The following CFAP45 variants were observed in gnomAD, a reference collection of about 807,000 sequenced individuals.
CFAP45 encodes cilia- and flagella-associated protein 45.
Under a neutral mutation model 75.6 loss-of-function variants are expected in CFAP45, and 43 were observed. The ratio of observed to expected loss-of-function variants is 0.57; its 90% CI spans 0.45 to 0.73. The LOEUF is 0.73. CFAP45 is among the 30% of genes least tolerant of loss of function. CFAP45 has a pLI of 0.00. For synonymous variants in CFAP45, 223 were observed against 244.6 expected (o/e 0.91, Z 0.82); for missense variants, 689 against 701.5 (o/e 0.98, Z 0.20).
In CFAP45 at chr1:159,876,581, G is replaced by C. The variant is rs1026999934; in HGVS notation, c.1327C>G (p.Arg443Gly). 4 of 1,613,796 alleles carry C rather than the reference G, an allele frequency of 2.5e-6. No individual in the cohort carries two copies. The highest frequency in any genetic ancestry group is 1.3e-5 in the African/African-American group (1 of 74,890). Residue 443 changes from arginine (R) to glycine (G), a missense_variant, in exon 10 of 12, where the codon CGG (arginine) becomes GGG (glycine). Arg to Gly is a moderately radical substitution (Grantham distance 125). Coordinates refer to ENST00000368099, the MANE Select transcript of CFAP45 (RefSeq NM_012337.3). Reference sequence around the variant, plus strand: ...CGAAGAATCCTCTCGAACTCATCCCGGTCCCGTTGCACCTGAACAGCCAGA... The same window carrying C: ...CGAAGAATCCTCTCGAACTCATCCCCGTCCCGTTGCACCTGAACAGCCAGA... ...HALAVQVQRD[R>G]DEFERILRAQ...
intron 3 of CFAP45, among the ~76,000 whole-genome samples, chr1:159,889,673 G>C (rs1310177769): frequency 6.6e-6 from 1 of 152,216 alleles, no homozygotes; most frequent in Non-Finnish European, 1.5e-5. Context: ...AGTGGCTGCA[G>C]GGCTCTAGCC....
chr1:159,890,781 CAG>C, intron 2 of CFAP45, among the ~76,000 whole-genome samples, 159 bp from the exon 3 acceptor site: 1 of 106,524 alleles, frequency 9.4e-6, no homozygotes, highest in East Asian at 3.2e-4. Flanking sequence ...TTTTTTGAGA[CAG>C]AGTCTTGCTC....
chr1:159,889,772 G>C (rs1649784089), intron 3 of CFAP45, among the ~76,000 whole-genome samples: 1 of 152,216 alleles, frequency 6.6e-6, no homozygotes, highest in Non-Finnish European at 1.5e-5. Flanking sequence ...TGCTAGATGT[G>C]CCTCTCCAGC....
intron 5 of CFAP45, 121 bp downstream of exon 5, chr1:159,887,720 T>A (rs955620146): frequency 4.0e-6 from 4 of 1,004,474 alleles, no homozygotes; most frequent in Middle Eastern, 3.3e-4. Context: ...GGTGCAGCTC[T>A]CCCCCGCCCC....
rs371929304 is a variant in CFAP45 at position 159,889,349 on chromosome 1, A to G, written c.273-853T>C. 4.0e-4 allele frequency among the ~76,000 whole-genome samples: 61 copies of G among 152,316 alleles called. 1 individual carries two copies. In the South Asian group the frequency reaches 0.013, roughly 32 times the overall value. ...CCAATTTGACAGGTACATGCCAATAAGACACAGACATCTGAGACAGGAAGT... is the reference window on the plus strand; with the variant it reads ...CCAATTTGACAGGTACATGCCAATAGGACACAGACATCTGAGACAGGAAGT... On this transcript the variant is annotated intron_variant, in intron 3 of 11. Coordinates refer to ENST00000368099, the MANE Select transcript of CFAP45 (RefSeq NM_012337.3).
In CFAP45 at chr1:159,873,181, AAC is replaced by A; in HGVS notation, c.1353-15_1353-14del. Reference sequence around the variant, plus strand: ...TTCTCTCTGAGCCCTGGGGGAGGGAAACAGGAATGGAATGAACTCAGCTGAGC... The same window carrying A: ...TTCTCTCTGAGCCCTGGGGGAGGGAAAGGAATGGAATGAACTCAGCTGAGC... On this transcript the variant is annotated splice_polypyrimidine_tract_variant and intron_variant, in intron 10 of 11. Coordinates refer to ENST00000368099, the MANE Select transcript of CFAP45 (RefSeq NM_012337.3). The A allele has an allele frequency of 6.2e-7, 1 of 1,610,644 alleles. No homozygotes were observed. Among genetic ancestry groups the A allele is most frequent in the Non-Finnish European group, 8.5e-7 (1 of 1,177,986 alleles).
At chr1:159,882,412 T>C (rs1165162206) in intron 7 of CFAP45, among the ~76,000 whole-genome samples, 1 of 152,224 alleles carries the variant, frequency 6.6e-6, no homozygotes, top group Admixed American at 6.5e-5. Context: ...TCCCTATTTA[T>C]TTACTTTTTG....
chr1:159,873,251 G>A, intron 10 of CFAP45, 83 bp from the exon 11 acceptor site: 2 of 1,154,362 alleles, frequency 1.7e-6, no homozygotes, highest in Non-Finnish European at 1.3e-6. Context: ...TCCTGGGTGG[G>A]CTCCTTCAGT....
chr1:159,886,806 C>A, intron 5 of CFAP45, 117 bp from the exon 6 acceptor site: 1 of 779,574 alleles, frequency 1.3e-6, no homozygotes, highest in Non-Finnish European at 2.2e-6. Context: ...TGACTGCTCA[C>A]AAGTCCGGGG....
At chr1:159,893,770 G>T (rs968856587) in intron 1 of CFAP45, among the ~76,000 whole-genome samples, 9 of 152,038 alleles carry the variant, frequency 5.9e-5, no homozygotes, top group African/African-American at 1.9e-4. Context: ...AGGATTTTGA[G>T]AAATATAAAT....
intron 7 of CFAP45, among the ~76,000 whole-genome samples, chr1:159,883,314 G>GAAT (rs1553222077): frequency 2.0e-5 from 3 of 152,052 alleles, no homozygotes; most frequent in South Asian, 2.1e-4. Context: ...ATGAATGAAT[G>GAAT]GGGGAACTCT....
At chr1:159,899,286 T>TATTC (rs1042343725) in intron 1 of CFAP45, among the ~76,000 whole-genome samples, 9 of 152,172 alleles carry the variant, frequency 5.9e-5, no homozygotes, top group African/African-American at 1.9e-4. Context: ...CTCACTCATT[T>TATTC]ATTCATTCAT....
In CFAP45 at chr1:159,887,659, G is replaced by A. The variant is rs886260278; in HGVS notation, c.588+182C>T. Among the ~76,000 whole-genome samples the A allele has an allele frequency of 3.3e-5, 5 of 152,230 alleles. No individual in the cohort carries two copies. The South Asian group carries it at 8.3e-4, about 25-fold the overall frequency. ...AGTGACTTGCCCATGGTCACACAGC[G>A]AACAGGTGGCAGAGCCAGTCCTCAC... On this transcript the variant is annotated intron_variant, in intron 5 of 11. Transcript: ENST00000368099.
Position 159,884,557 on chromosome 1 carries a change from C to A in CFAP45, c.776G>T (p.Arg259Leu), listed in dbSNP as rs370229782. ...KRREERIRGR[R>L]QIVEQMEKNQ... ...CTTTTCCATCTGTTCCACAATTTGC[C>A]GCCTTCCTCTTGGAGAGAACAGTGC... is the stretch of plus-strand genomic sequence containing the variant. Residue 259 changes from arginine to leucine, a missense_variant, in exon 7 of 12, where the codon CGG (arginine) becomes CTG (leucine). By Grantham distance (102) the Arg-to-Leu change is moderately radical. Transcript: ENST00000368099. 6.2e-7 allele frequency: 1 copy of A among 1,613,446 alleles called. No homozygotes were observed. The highest frequency in any genetic ancestry group is 8.5e-7 in the Non-Finnish European group (1 of 1,179,838).
chr1:159,886,768 A>T (rs983474722), intron 5 of CFAP45, 79 bp from the exon 6 acceptor site: 19 of 1,200,452 alleles, frequency 1.6e-5, no homozygotes, highest in Non-Finnish European at 2.3e-5. Context: ...ACAGAATGCT[A>T]TACTGCTGAG....
intron 10 of CFAP45, among the ~76,000 whole-genome samples, chr1:159,875,052 T>C (rs1649364823): frequency 6.6e-6 from 1 of 152,190 alleles, no homozygotes; most frequent in African/African-American, 2.4e-5. Flanking sequence ...CACATGGCCC[T>C]GGAGACACTA....
chr1:159,887,598 A>G (rs1359063122), intron 5 of CFAP45, among the ~76,000 whole-genome samples: 1 of 152,220 alleles, frequency 6.6e-6, no homozygotes, highest in African/African-American at 2.4e-5. Flanking sequence ...ACCACCCTCA[A>G]GTTACAAATG....
chr1:159,890,506 G>A lies in CFAP45; in HGVS notation c.246C>T (p.Ile82=). The change falls in exon 3 of 12, where the codon ATC becomes ATT. Residue 82 remains isoleucine (I), a synonymous_variant. Transcript: ENST00000368099. ...TGAGTTCTCGGACCATGTCCCGGGTGATGAGCTGGATGGTCTCTGGCTTGC... is the reference window on the plus strand; with the variant it reads ...TGAGTTCTCGGACCATGTCCCGGGTAATGAGCTGGATGGTCTCTGGCTTGC... ...LDRKPETIQL[I]TRDMVRELIV... 6.2e-7 allele frequency: 1 copy of A among 1,614,162 alleles called. No individual in the cohort carries two copies. The highest frequency in any genetic ancestry group is 8.5e-7 in the Non-Finnish European group (1 of 1,180,020).
chr1:159,889,634 A>G (rs984917554), intron 3 of CFAP45, among the ~76,000 whole-genome samples: 8 of 152,156 alleles, frequency 5.3e-5, no homozygotes, highest in Admixed American at 1.3e-4. Context: ...TCCAAGAAGG[A>G]ACCCTTCCTC....
Sources: gnomAD v4.1 joint callset for allele counts (sites outside exome capture counted in the v4.1 genomes callset) on GRCh38, gnomAD v4.1.1 for gene constraint, MANE v1.5 for transcripts, NCBI Gene and HGNC (gene_info 2026-07-23, HGNC 2026-07-21) for gene names.